The following KYNU variants were observed in gnomAD, a reference collection of about 807,000 sequenced individuals.
KYNU encodes kynureninase, also known as L-kynurenine hydrolase.
In KYNU, 54 loss-of-function variants were observed where a neutral mutation model predicts 59.2. The observed-to-expected ratio is 0.91, with a 90% confidence interval of 0.73 to 1.14. The LOEUF (loss-of-function observed/expected upper bound fraction) is 1.14. Among genes scored for constraint, KYNU ranks in the 50% most tolerant of loss-of-function variants. The probability of loss-of-function intolerance (pLI) is 0.00; values close to 1 mark genes in which losing one functional copy is unlikely to be tolerated. For synonymous variants in KYNU, 177 were observed against 192.0 expected, an observed-to-expected ratio of 0.92 and a Z score of 0.65; for missense variants, 567 against 554.4, an observed-to-expected ratio of 1.02 and a Z score of -0.23.
intron 2 of KYNU, among the ~76,000 whole-genome samples, chr2:142,885,745 A>G (rs1681487829): frequency 1.3e-5 from 2 of 152,176 alleles, no homozygotes; most frequent in South Asian, 4.1e-4. Context: ...CCTCTGAATG[A>G]AATACATGCA....
rs1199338165 is a variant in KYNU at position 143,048,090 on chromosome 2, CCACTTTGACCTT to C, written c.*5920_*5931del. On this transcript the variant is annotated 3_prime_UTR_variant, in exon 14 of 14. Transcript: ENST00000264170. ...AAACTCCTGACTTCAGGTGATCCGC[CCACTTTGACCTT>C]CCAAAATGCTGGGATTACGTGTGAG... is the stretch of plus-strand genomic sequence containing the variant. 1 of 152,120 alleles carries C rather than the reference CCACTTTGACCTT, an allele frequency of 6.6e-6. No individual in the cohort carries two copies. Among genetic ancestry groups the C allele is most frequent in the African/African-American group, 2.4e-5 (1 of 41,430 alleles). 9.4% of individuals were successfully genotyped at this position (152,120 alleles called of 1,614,324 possible). A position where few individuals can be genotyped will look rare whatever the true frequency, so the allele number is the denominator to read the frequency against.
intron 8 of KYNU, chr2:142,964,858 A>G (rs1684478159): frequency 1.3e-5 from 2 of 152,230 alleles, no homozygotes; most frequent in African/African-American, 4.8e-5. Flanking sequence ...AGAGAGCTCA[A>G]TAACAAGGGA....
chr2:142,963,502 A>G (rs1037407600), intron 8 of KYNU, among the ~76,000 whole-genome samples: 1 of 152,188 alleles, frequency 6.6e-6, no homozygotes, highest in African/African-American at 2.4e-5. Context: ...GCCCTTCCTC[A>G]CATGGCAGAA....
At chr2:142,897,841 C>T (rs899583140) in intron 2 of KYNU, among the ~76,000 whole-genome samples, 2 of 152,192 alleles carry the variant, frequency 1.3e-5, no homozygotes, top group Non-Finnish European at 2.9e-5. Context: ...ATTATCTTTA[C>T]ATACAGATAT....
intron 10 of KYNU, among the ~76,000 whole-genome samples, chr2:142,997,594 A>G (rs1030575894): frequency 6.6e-6 from 1 of 152,190 alleles, no homozygotes; most frequent in Non-Finnish European, 1.5e-5. Flanking sequence ...AATGTATGGT[A>G]ATAAGTTGCC....
At chr2:142,968,282 G>T (rs1459790800) in intron 8 of KYNU, among the ~76,000 whole-genome samples, 1 of 152,174 alleles carries the variant, frequency 6.6e-6, no homozygotes, top group East Asian at 1.9e-4. Context: ...GCCAATTATA[G>T]AATATGGGTA....
Position 143,042,709 on chromosome 2 carries a change from A to G in KYNU, c.*537A>G, listed in dbSNP as rs1226498571. 6.7e-6 allele frequency: 1 copy of G among 149,138 alleles called. No homozygotes were observed. Among genetic ancestry groups the G allele is most frequent in the East Asian group, 2.0e-4 (1 of 5,112 alleles). 9.2% of individuals were successfully genotyped at this position (149,138 alleles called of 1,614,324 possible). ...TGGCTTTCAAATTTTTTTGGGTACA[A>G]TCCACATTGCTCCTGCTGATCTGTA... On this transcript the variant is annotated 3_prime_UTR_variant, in exon 14 of 14. Transcript: ENST00000264170.
intron 8 of KYNU, among the ~76,000 whole-genome samples, chr2:142,977,477 C>A (rs1684926949): frequency 6.6e-6 from 1 of 150,754 alleles, no homozygotes. Flanking sequence ...TTTTGTCCTG[C>A]AGAAAACGTA....
rs1297011271 is a variant in KYNU, at chr2:142,985,120, G to T, written c.766G>T (p.Gly256Ter). 3.7e-6 allele frequency: 6 copies of T among 1,611,344 alleles called. No homozygotes were observed. The East Asian group carries it at 1.3e-4, about 36-fold the overall frequency. ...YVGFDLAHAV[G>*]NVELYLHDWG... is the part of the protein sequence containing the mutation. ...TGGCTTTGATCTAGCACATGCAGTT[G>T]GAAATGTTGAACTCTACTTACATGA... Residue 256 changes from glycine (G) to a stop codon, truncating the protein, a stop_gained, in exon 9 of 14, where the codon GGA becomes TGA. Coordinates refer to ENST00000264170, the MANE Select transcript of KYNU (RefSeq NM_003937.3). LOFTEE classifies it high-confidence loss of function.
At chr2:142,998,026 G>T (rs922274850) in intron 10 of KYNU, among the ~76,000 whole-genome samples, 9 of 151,994 alleles carry the variant, frequency 5.9e-5, no homozygotes, top group Admixed American at 4.6e-4. Context: ...TACTTTTTTG[G>T]AATTTATGAT....
At chr2:142,878,896 A>G (rs1681192515) in intron 1 of KYNU, among the ~76,000 whole-genome samples, 1 of 152,212 alleles carries the variant, frequency 6.6e-6, no homozygotes, top group South Asian at 2.1e-4. Flanking sequence ...TCCTTTGAAG[A>G]AAGTAAAATT....
At chr2:142,904,248 C>T (rs1457300651) in intron 2 of KYNU, among the ~76,000 whole-genome samples, 1 of 152,192 alleles carries the variant, frequency 6.6e-6, no homozygotes, top group Non-Finnish European at 1.5e-5. Context: ...TAGTGAACAT[C>T]ACTGAATAAT....
chr2:142,973,768 C>T (rs971296803), intron 8 of KYNU, among the ~76,000 whole-genome samples: 18 of 152,058 alleles, frequency 1.2e-4, no homozygotes, highest in African/African-American at 4.3e-4. Flanking sequence ...TTACGTCAGG[C>T]TCTGGGTTTA....
intron 3 of KYNU, among the ~76,000 whole-genome samples, chr2:142,919,198 T>A (rs1259379044): frequency 6.6e-6 from 1 of 152,226 alleles, no homozygotes. Context: ...CTCATTTGAT[T>A]GATGAAATAA....
chr2:142,937,160 C>T (rs1241200167), intron 4 of KYNU, among the ~76,000 whole-genome samples: 2 of 152,098 alleles, frequency 1.3e-5, no homozygotes, highest in African/African-American at 4.8e-5. Flanking sequence ...TATCTTCTGG[C>T]CAGCTCTCTT....
At chr2:142,921,678 G>T (rs748461120) in intron 3 of KYNU, among the ~76,000 whole-genome samples, 41 of 152,104 alleles carry the variant, frequency 2.7e-4, no homozygotes, top group Admixed American at 2.2e-3. Context: ...GCATGGTGGT[G>T]CATGCCTGTA....
chr2:142,889,826 C>G (rs1034251379), intron 2 of KYNU, among the ~76,000 whole-genome samples: 7 of 151,546 alleles, frequency 4.6e-5, no homozygotes, highest in African/African-American at 7.3e-5. Context: ...AAAAACAGAA[C>G]AGAAATAAAC....
chr2:143,018,767 A>G (rs901664651), intron 10 of KYNU, among the ~76,000 whole-genome samples: 1 of 151,930 alleles, frequency 6.6e-6, no homozygotes, highest in Non-Finnish European at 1.5e-5. Context: ...TCCATGAGCA[A>G]GGAATGTTTT....
At chr2:142,898,740 C>T (rs1681969968) in intron 2 of KYNU, among the ~76,000 whole-genome samples, 1 of 152,204 alleles carries the variant, frequency 6.6e-6, no homozygotes, top group Non-Finnish European at 1.5e-5. Context: ...CCCAAGATGG[C>T]AGCAAGCCTT....
Sources: gnomAD v4.1 joint callset for allele counts (sites outside exome capture counted in the v4.1 genomes callset) on GRCh38, gnomAD v4.1.1 for gene constraint, MANE v1.5 for transcripts, NCBI Gene and HGNC (gene_info 2026-07-23, HGNC 2026-07-21) for gene names.